The following ENOX1 variants were observed in gnomAD, a reference collection of about 807,000 sequenced individuals.
ENOX1 encodes the protein candidate growth-related and time keeping constitutive hydroquinone (NADH) oxidase.
ENOX1 carries 42 observed loss-of-function variants against 82.5 expected under a neutral mutation model. The ratio of observed to expected loss-of-function variants is 0.51; its 90% CI spans 0.40 to 0.66. The LOEUF (loss-of-function observed/expected upper bound fraction) is 0.66. ENOX1 is among the 30% of genes least tolerant of loss of function. ENOX1 has a pLI of 0.00. For missense variants in ENOX1, 608 were observed against 811.6 expected (o/e 0.75, Z 3.05); for synonymous variants, 271 against 282.2 (o/e 0.96, Z 0.40).
At chr13:43,281,113 G>A (rs1393406756) in intron 12 of ENOX1, among the ~76,000 whole-genome samples, 1 of 152,090 alleles carries the variant, frequency 6.6e-6, no homozygotes, top group Non-Finnish European at 1.5e-5. Context: ...TTCCCCATAG[G>A]CTTTCAACCA....
chr13:43,680,575 A>G (rs533245042), intron 1 of ENOX1, among the ~76,000 whole-genome samples: 1 of 152,332 alleles, frequency 6.6e-6, no homozygotes, highest in African/African-American at 2.4e-5. Context: ...CAACTTCACC[A>G]TAATTAACTG....
chr13:43,532,793 TTA>T (rs2078287069), intron 2 of ENOX1, among the ~76,000 whole-genome samples: 1 of 151,982 alleles, frequency 6.6e-6, no homozygotes, highest in Admixed American at 6.6e-5. Context: ...AACCTTCTTG[TTA>T]TATGTTTTGT....
At chr13:43,422,756 T>G (rs1222457767) in intron 3 of ENOX1, among the ~76,000 whole-genome samples, 1 of 152,124 alleles carries the variant, frequency 6.6e-6, no homozygotes, top group African/African-American at 2.4e-5. Flanking sequence ...ACAATTTTCT[T>G]TTGGCACAAA....
intron 8 of ENOX1, among the ~76,000 whole-genome samples, chr13:43,351,417 TTTATTTA>T (rs1427537448): frequency 1.4e-5 from 1 of 72,570 alleles, no homozygotes; most frequent in Non-Finnish European, 2.7e-5. Flanking sequence ...ATTTATTTTA[TTTATTTA>T]TTTATTTATT....
intron 1 of ENOX1, among the ~76,000 whole-genome samples, chr13:43,689,485 C>A (rs2086242675): frequency 6.6e-6 from 1 of 152,186 alleles, no homozygotes; most frequent in South Asian, 2.1e-4. Context: ...CTCTGACAAG[C>A]TGACATTATT....
chr13:43,714,402 T>G (rs1284057732), intron 1 of ENOX1, among the ~76,000 whole-genome samples: 1 of 152,146 alleles, frequency 6.6e-6, no homozygotes, highest in East Asian at 1.9e-4. Context: ...TGATTTGGGG[T>G]GGAGAGTTCT....
chr13:43,503,643 G>A (rs1424023850), intron 2 of ENOX1, among the ~76,000 whole-genome samples: 1 of 151,496 alleles, frequency 6.6e-6, no homozygotes, highest in Non-Finnish European at 1.5e-5. Flanking sequence ...TGGAAAAAGT[G>A]GACATCCATA....
intron 2 of ENOX1, among the ~76,000 whole-genome samples, chr13:43,616,176 ATCTATC>A (rs1278042434): frequency 0.019 from 115 of 6,112 alleles, 2 homozygotes; most frequent in South Asian, 0.028. Context: ...CTATCTATCT[ATCTATC>A]TATCTATATA....
At chr13:43,253,708 A>C (rs2043588393) in intron 14 of ENOX1, among the ~76,000 whole-genome samples, 1 of 152,210 alleles carries the variant, frequency 6.6e-6, no homozygotes, top group Non-Finnish European at 1.5e-5. Flanking sequence ...AGGGGAGTTC[A>C]CCTGCTGGTG....
At chr13:43,626,557 G>A (rs1002853850) in intron 2 of ENOX1, among the ~76,000 whole-genome samples, 6 of 151,722 alleles carry the variant, frequency 4.0e-5, no homozygotes, top group African/African-American at 9.6e-5. Context: ...TCTGACCCAC[G>A]CATTGACTAA....
At chr13:43,728,433 A>G (rs1321511346) in intron 1 of ENOX1, among the ~76,000 whole-genome samples, 1 of 152,148 alleles carries the variant, frequency 6.6e-6, no homozygotes, top group African/African-American at 2.4e-5. Context: ...GCAAGAATTC[A>G]TGGGGTGTTA....
chr13:43,771,943 T>C (rs1375657738), intron 1 of ENOX1, among the ~76,000 whole-genome samples: 2 of 145,994 alleles, frequency 1.4e-5, no homozygotes, highest in East Asian at 4.0e-4. Flanking sequence ...ATTTTTTTTT[T>C]TTTTTTTTTT....
In ENOX1 at chr13:43,367,104, C is replaced by T. The variant is rs568871818; in HGVS notation, c.209-5652G>A. On this transcript the variant is annotated intron_variant, in intron 5 of 16. Coordinates refer to ENST00000690772, the MANE Select transcript of ENOX1 (RefSeq NM_001347969.2). ...AGGTACTCTGCATTCAAAGACATTG[C>T]AATGTTCTTCCTTCACAGATGTGGA... Among the ~76,000 whole-genome samples the T allele has an allele frequency of 1.4e-4, 21 of 152,266 alleles. No homozygotes were observed. In the South Asian group the frequency reaches 4.1e-3, roughly 30 times the overall value.
At chr13:43,569,957 C>A in intron 2 of ENOX1, among the ~76,000 whole-genome samples, 1 of 152,256 alleles carries the variant, frequency 6.6e-6, no homozygotes. Flanking sequence ...TATAGTTGCA[C>A]GAATCAGGTG....
At chr13:43,442,478 T>C (rs187573441) in intron 3 of ENOX1, among the ~76,000 whole-genome samples, 1 of 152,268 alleles carries the variant, frequency 6.6e-6, no homozygotes, top group Non-Finnish European at 1.5e-5. Flanking sequence ...TGACCCTGCA[T>C]TCTGAATGCA....
At chr13:43,785,891 G>A (rs1278596755) in intron 1 of ENOX1, among the ~76,000 whole-genome samples, 1 of 152,158 alleles carries the variant, frequency 6.6e-6, no homozygotes, top group African/African-American at 2.4e-5. Flanking sequence ...CCGCGTCCGT[G>A]GGAGGCTCGC....
chr13:43,405,802 G>A (rs1350474633), intron 5 of ENOX1, among the ~76,000 whole-genome samples: 1 of 152,170 alleles, frequency 6.6e-6, no homozygotes, highest in African/African-American at 2.4e-5. Context: ...ACCCCCATCA[G>A]TCCTCTATAG....
At chr13:43,720,965 T>C (rs565916515) in intron 1 of ENOX1, among the ~76,000 whole-genome samples, 2 of 152,182 alleles carry the variant, frequency 1.3e-5, no homozygotes, top group Non-Finnish European at 2.9e-5. Flanking sequence ...TTCTAAATAG[T>C]AGTCAACCAC....
intron 1 of ENOX1, among the ~76,000 whole-genome samples, chr13:43,737,877 T>A (rs766077842): frequency 3.7e-4 from 56 of 152,218 alleles, no homozygotes; most frequent in Non-Finnish European, 7.2e-4. Context: ...CCTACTAATG[T>A]GGTGTCTAAT....
Sources: allele counts gnomAD v4.1 joint callset (sites outside exome capture counted in the v4.1 genomes callset), GRCh38; gene constraint gnomAD v4.1.1; transcripts MANE v1.5; gene names NCBI Gene and HGNC (gene_info 2026-07-23, HGNC 2026-07-21).